Variants in NELL2 observed in about 807,000 individuals in gnomAD.
The protein encoded by NELL2 is protein kinase C-binding protein NELL2.
In NELL2, 41 loss-of-function variants were observed where a neutral mutation model predicts 109.6. The observed-to-expected ratio is 0.37, with a 90% CI of 0.29 to 0.49. The LOEUF is 0.49. NELL2 is among the 20% of genes least tolerant of loss of function. NELL2 has a pLI of 0.98. For missense variants in NELL2, 900 were observed against 1,008.3 expected (o/e 0.89, Z 1.45); for synonymous variants, 355 against 344.7 (o/e 1.03, Z -0.33).
intron 2 of NELL2, among the ~76,000 whole-genome samples, chr12:44,862,648 C>CT (rs1245390511): frequency 1.3e-5 from 2 of 152,080 alleles, no homozygotes; most frequent in East Asian, 1.9e-4. Flanking sequence ...GTGAGCTGCA[C>CT]TTTTTTTTCT....
intron 1 of NELL2, among the ~76,000 whole-genome samples, chr12:44,909,709 A>C (rs773817060): frequency 6.6e-6 from 1 of 151,478 alleles, no homozygotes; most frequent in Non-Finnish European, 1.5e-5. Context: ...TACAGTACTC[A>C]AAACAGCATG....
intron 2 of NELL2, among the ~76,000 whole-genome samples, chr12:44,829,238 A>AGAT (rs142817219): frequency 2.0e-5 from 3 of 152,118 alleles, no homozygotes; most frequent in Non-Finnish European, 4.4e-5. Flanking sequence ...ATGAAGATGA[A>AGAT]GATGATGATG....
intron 15 of NELL2, among the ~76,000 whole-genome samples, chr12:44,583,602 G>C (rs1944395836): frequency 6.6e-6 from 1 of 152,100 alleles, no homozygotes; most frequent in Non-Finnish European, 1.5e-5. Flanking sequence ...AAAGATTTAT[G>C]ACATTATATT....
At chr12:44,763,725 C>T (rs771570617) in intron 9 of NELL2, among the ~76,000 whole-genome samples, 15 of 152,070 alleles carry the variant, frequency 9.9e-5, no homozygotes, top group Admixed American at 5.2e-4. Context: ...TCAAGTGGTA[C>T]AGAGCACAAT....
At chr12:44,747,507 ATG>A (rs1940439549) in intron 9 of NELL2, among the ~76,000 whole-genome samples, 3 of 152,062 alleles carry the variant, frequency 2.0e-5, no homozygotes, top group African/African-American at 7.2e-5. Flanking sequence ...CATACAAAAT[ATG>A]TGTTACTCAA....
chr12:44,856,003 C>T (rs958858996), intron 2 of NELL2, among the ~76,000 whole-genome samples: 2 of 152,162 alleles, frequency 1.3e-5, no homozygotes, highest in African/African-American at 4.8e-5. Context: ...AACATAAAGT[C>T]ACGAAAGTAA....
chr12:44,509,468 T>C (rs1940882752), intron 19 of NELL2, among the ~76,000 whole-genome samples: 1 of 152,154 alleles, frequency 6.6e-6, no homozygotes, highest in African/African-American at 2.4e-5. Context: ...CCCAGTGTGA[T>C]GGTATTAGGA....
At chr12:44,526,451 C>A (rs1941777101) in intron 16 of NELL2, among the ~76,000 whole-genome samples, 1 of 152,108 alleles carries the variant, frequency 6.6e-6, no homozygotes, top group Non-Finnish European at 1.5e-5. Context: ...ATAACTTGCC[C>A]AAAATGACAC....
chr12:44,579,948 A>C (rs1181948344), intron 15 of NELL2, among the ~76,000 whole-genome samples: 1 of 152,150 alleles, frequency 6.6e-6, no homozygotes, highest in Non-Finnish European at 1.5e-5. Context: ...TGAAACTGTT[A>C]AACCATATTC....
chr12:44,728,278 T>C (rs1294761338), intron 9 of NELL2, among the ~76,000 whole-genome samples: 1 of 151,996 alleles, frequency 6.6e-6, no homozygotes, highest in Non-Finnish European at 1.5e-5. Context: ...ATTTAGAATA[T>C]CAATAGACAG....
intron 9 of NELL2, among the ~76,000 whole-genome samples, chr12:44,765,336 T>C (rs1941286073): frequency 1.3e-5 from 2 of 152,218 alleles, no homozygotes; most frequent in African/African-American, 4.8e-5. Context: ...TGAGGGTCAT[T>C]ATGAAAGCAG....
At chr12:44,893,467 A>T (rs1945558887) in intron 1 of NELL2, among the ~76,000 whole-genome samples, 1 of 152,200 alleles carries the variant, frequency 6.6e-6, no homozygotes, top group Admixed American at 6.5e-5. Flanking sequence ...CACATATAGG[A>T]TCAGTCCTCA....
Position 44,885,750 on chromosome 12 carries a change from C to G in NELL2, c.39-9850G>C, listed in dbSNP as rs113277719. On this transcript the variant is annotated intron_variant, in intron 1 of 20. Coordinates refer to the NELL2 transcript ENST00000333837. ...AAGAAAATCTCAATAAAAATCCCAG[C>G]AGGCTATTTTGTAGCAATTAATAAG... Among the ~76,000 whole-genome samples, 925 of 151,802 alleles carry G rather than the reference C, an allele frequency of 6.1e-3. 21 individuals carry two copies. The highest frequency in any genetic ancestry group is 0.021 in the African/African-American group (882 of 41,330).
chr12:44,543,796 G>A (rs1592094872), intron 15 of NELL2, among the ~76,000 whole-genome samples: 1 of 152,214 alleles, frequency 6.6e-6, no homozygotes, highest in East Asian at 1.9e-4. Flanking sequence ...ATGAGTGAAT[G>A]TTTTGCAAAT....
At chr12:44,722,122 C>T (rs942000400) in intron 9 of NELL2, among the ~76,000 whole-genome samples, 1 of 151,650 alleles carries the variant, frequency 6.6e-6, no homozygotes, top group Non-Finnish European at 1.5e-5. Context: ...AACAGGAGAA[C>T]CAAAACAATT....
intron 13 of NELL2, among the ~76,000 whole-genome samples, chr12:44,617,016 T>C (rs1191374282): frequency 3.3e-5 from 5 of 152,168 alleles, no homozygotes; most frequent in Admixed American, 3.3e-4. Context: ...TAAAGAATGT[T>C]CTATGTTACA....
At chr12:44,773,550 G>C (rs998087731) in intron 9 of NELL2, among the ~76,000 whole-genome samples, 1 of 151,996 alleles carries the variant, frequency 6.6e-6, no homozygotes, top group African/African-American at 2.4e-5. Flanking sequence ...AGCCATATAT[G>C]TATATATGGT....
At chr12:44,543,259 T>C (rs1243312952) in intron 15 of NELL2, among the ~76,000 whole-genome samples, 1 of 152,168 alleles carries the variant, frequency 6.6e-6, no homozygotes, top group Non-Finnish European at 1.5e-5. Flanking sequence ...TTCCTCTTTT[T>C]CTTGCTTTTG....
At chr12:44,665,068 T>C (rs141605067) in intron 13 of NELL2, among the ~76,000 whole-genome samples, 47 of 151,962 alleles carry the variant, frequency 3.1e-4, no homozygotes, top group African/African-American at 1.1e-3. Context: ...AGCTCATTTA[T>C]ATTTAATAGT....
Sources: gnomAD v4.1 joint callset for allele counts (sites outside exome capture counted in the v4.1 genomes callset) on GRCh38, gnomAD v4.1.1 for gene constraint, MANE v1.5 for transcripts, NCBI Gene and HGNC (gene_info 2026-07-23, HGNC 2026-07-21) for gene names.